The following TCEA1 variants were observed in gnomAD, a reference collection of about 807,000 sequenced individuals.
The protein encoded by TCEA1 is transcription elongation factor A1.
A neutral mutation model predicts 43.8 loss-of-function variants in TCEA1; 21 were observed. That is an observed-to-expected ratio of 0.48 (90% CI 0.34 to 0.69). The LOEUF (loss-of-function observed/expected upper bound fraction) is 0.69, where lower values mean the gene tolerates loss of function less well. TCEA1 is among the 30% of genes least tolerant of loss of function. The pLI, the probability that TCEA1 is intolerant of heterozygous loss-of-function variation, is 0.01. For synonymous variants in TCEA1, 104 were observed against 117.5 expected, an observed-to-expected ratio of 0.88 and a Z score of 0.75; for missense variants, 250 against 365.1, an observed-to-expected ratio of 0.68 and a Z score of 2.57.
At chr8:53,988,361 A>G (rs1803760577) in intron 4 of TCEA1, 102 bp from the exon 5 acceptor site, 6 of 1,368,010 alleles carry the variant, frequency 4.4e-6, no homozygotes, top group Non-Finnish European at 5.9e-6. Context: ...GTCTAAATAA[A>G]TGACACAGTA....
Position 53,988,479 on chromosome 8 carries a change from T to A in TCEA1, c.321-220A>T, listed in dbSNP as rs150358415. On this transcript the variant is annotated intron_variant, in intron 4 of 9. Coordinates refer to ENST00000521604, the MANE Select transcript of TCEA1 (RefSeq NM_006756.4). ...TGACAAGTATGCCTTTTTTTTGAAC[T>A]AAACATTTTATCTTTGATTCTCATT... Among the ~76,000 whole-genome samples, 22 of 152,348 alleles carry A rather than the reference T, an allele frequency of 1.4e-4. 1 individual carries two copies. The East Asian group carries it at 2.5e-3, about 17-fold the overall frequency.
chr8:54,002,468 C>CAAA (rs113615731), intron 2 of TCEA1, among the ~76,000 whole-genome samples: 1 of 106,902 alleles, frequency 9.4e-6, no homozygotes, highest in African/African-American at 3.0e-5. Context: ...GACTCCGTCT[C>CAAA]AAAAAAAAAA....
intron 2 of TCEA1, among the ~76,000 whole-genome samples, chr8:54,000,642 A>G (rs1254408164): frequency 3.3e-5 from 5 of 152,184 alleles, no homozygotes; most frequent in Admixed American, 6.5e-5. Flanking sequence ...ACATTCATCA[A>G]TCTTTCTAAC....
At chr8:53,972,843 T>A (rs1803199933) in intron 8 of TCEA1, 1 of 720,984 alleles carries the variant, frequency 1.4e-6, no homozygotes, top group Non-Finnish European at 2.6e-6. Flanking sequence ...TGAAAGTAGT[T>A]GTTCTTTCAC....
At chr8:53,972,028 GATGAAGGAC>G (rs1301390669) in intron 8 of TCEA1, 2 of 217,552 alleles carry the variant, frequency 9.2e-6, no homozygotes, top group Non-Finnish European at 1.8e-5. Context: ...CTCAAAGAAA[GATGAAGGAC>G]ATTAGACTCG....
chr8:54,000,791 C>T (rs1299213953), intron 2 of TCEA1, among the ~76,000 whole-genome samples: 1 of 148,310 alleles, frequency 6.7e-6, no homozygotes, highest in Admixed American at 6.7e-5. Flanking sequence ...CGGACTCTCA[C>T]TCTGTCACCC....
chr8:54,022,056 CG>C lies in TCEA1; in HGVS notation c.63+6del. Reference sequence around the variant, plus strand: ...CCCTCCCGGCCCGCGCCGCTCGCCGCGCTCACCGCGTTCTTCTTCTGCACCA... The same window carrying C: ...CCCTCCCGGCCCGCGCCGCTCGCCGCCTCACCGCGTTCTTCTTCTGCACCA... On this transcript the variant is annotated splice_donor_region_variant and intron_variant, in intron 1 of 9. Transcript: ENST00000521604. The C allele has an allele frequency of 6.3e-7, 1 of 1,585,296 alleles. No individual in the cohort carries two copies. Among genetic ancestry groups the C allele is most frequent in the South Asian group, 1.1e-5 (1 of 88,320 alleles).
At chr8:54,003,700 A>G (rs959957721) in intron 2 of TCEA1, among the ~76,000 whole-genome samples, 1 of 152,198 alleles carries the variant, frequency 6.6e-6, no homozygotes, top group African/African-American at 2.4e-5. Flanking sequence ...TTAACTCAAT[A>G]TGAACAGGAG....
At chr8:53,995,114 A>G (rs1012512186) in intron 3 of TCEA1, among the ~76,000 whole-genome samples, 13 of 152,026 alleles carry the variant, frequency 8.6e-5, no homozygotes, top group African/African-American at 3.1e-4. Flanking sequence ...CAGCCTAGCC[A>G]ATATGGTGAA....
chr8:53,984,583 C>A, intron 6 of TCEA1, 66 bp from the exon 7 acceptor site: 2 of 1,398,596 alleles, frequency 1.4e-6, no homozygotes, highest in Non-Finnish European at 9.5e-7. Flanking sequence ...TCCTGTTCTG[C>A]CAAAATAAGA....
intron 7 of TCEA1, among the ~76,000 whole-genome samples, chr8:53,982,763 G>A (rs780222484): frequency 2.0e-5 from 3 of 152,122 alleles, no homozygotes; most frequent in Non-Finnish European, 4.4e-5. Context: ...TCTTGTGGAG[G>A]AGCAAAAAGT....
chr8:54,001,157 G>A (rs1457803949), intron 2 of TCEA1, among the ~76,000 whole-genome samples: 2 of 152,028 alleles, frequency 1.3e-5, no homozygotes, highest in African/African-American at 4.8e-5. Flanking sequence ...CAAAAGCTAT[G>A]ACAGCCCAAA....
chr8:53,969,518 C>A lies in TCEA1; in HGVS notation c.897+874G>T, dbSNP rs533845468. On this transcript the variant is annotated intron_variant, in intron 9 of 9. Transcript: ENST00000521604. ...AAATGAAAAAAAAAAGAATCTTGTA[C>A]AAACTTCAGAAAAACTAATAAAAAT... is the stretch of plus-strand genomic sequence containing the variant. Among the ~76,000 whole-genome samples the A allele has an allele frequency of 1.3e-4, 19 of 151,800 alleles. 1 individual carries two copies. In the East Asian group the frequency reaches 3.5e-3, roughly 28 times the overall value.
chr8:53,987,098 A>G, intron 5 of TCEA1, 73 bp from the exon 6 acceptor site: 1 of 1,221,302 alleles, frequency 8.2e-7, no homozygotes, highest in Admixed American at 2.4e-5. Context: ...AGGTAATTAA[A>G]CTGCATTCCT....
intron 4 of TCEA1, among the ~76,000 whole-genome samples, chr8:53,989,701 C>T (rs1281248014): frequency 6.6e-6 from 1 of 152,050 alleles, no homozygotes; most frequent in Non-Finnish European, 1.5e-5. Context: ...AGCATAATGC[C>T]TCTCAGTGAT....
intron 7 of TCEA1, among the ~76,000 whole-genome samples, chr8:53,983,668 C>CAA (rs34669112): frequency 2.1e-5 from 3 of 141,470 alleles, no homozygotes; most frequent in Non-Finnish European, 3.2e-5. Flanking sequence ...AATTTCGTAT[C>CAA]AAAAAAAAAA....
intron 7 of TCEA1, among the ~76,000 whole-genome samples, chr8:53,982,874 A>G (rs917970116): frequency 6.6e-6 from 1 of 152,244 alleles, no homozygotes; most frequent in African/African-American, 2.4e-5. Context: ...TTGATAAGGC[A>G]GCAGCAGCAT....
chr8:53,992,523 T>C (rs545459483), intron 4 of TCEA1, among the ~76,000 whole-genome samples: 34 of 151,990 alleles, frequency 2.2e-4, no homozygotes, highest in African/African-American at 7.5e-4. Context: ...GGCAGGAGAA[T>C]TGCTTTGAAC....
At chr8:54,003,320 G>A (rs1804330682) in intron 2 of TCEA1, among the ~76,000 whole-genome samples, 2 of 152,162 alleles carry the variant, frequency 1.3e-5, no homozygotes, top group Non-Finnish European at 2.9e-5. Context: ...TCAATGCAAT[G>A]CCTATCAGAA....
Sources: allele counts gnomAD v4.1 joint callset (sites outside exome capture counted in the v4.1 genomes callset), GRCh38; gene constraint gnomAD v4.1.1; transcripts MANE v1.5; gene names NCBI Gene and HGNC (gene_info 2026-07-23, HGNC 2026-07-21).